Variants in DDX46 observed in about 807,000 individuals in gnomAD.
DDX46 encodes the protein DEAD-box helicase 46.
Under a neutral mutation model 134.9 loss-of-function variants are expected in DDX46, and 30 were observed. The ratio of observed to expected loss-of-function variants is 0.22; its 90% CI spans 0.17 to 0.30. The LOEUF (loss-of-function observed/expected upper bound fraction) is 0.30, where lower values mean the gene tolerates loss of function less well. Among genes scored for constraint, DDX46 ranks in the 10% least tolerant of loss-of-function variants. The pLI is 1.00. For synonymous variants in DDX46, 415 were observed against 404.1 expected (o/e 1.03, Z -0.32); for missense variants, 622 against 1,248.7 (o/e 0.50, Z 7.56).
intron 15 of DDX46, among the ~76,000 whole-genome samples, chr5:134,796,588 C>T (rs1283693770): frequency 6.6e-6 from 1 of 152,216 alleles, no homozygotes; most frequent in Non-Finnish European, 1.5e-5. Context: ...CATGGTAGCT[C>T]ACGCCTGTAA....
chr5:134,800,245 G>T (rs189822812), intron 15 of DDX46, among the ~76,000 whole-genome samples: 1 of 152,210 alleles, frequency 6.6e-6, no homozygotes, highest in East Asian at 1.9e-4. Context: ...CCTGCACCTG[G>T]CCTGAGTTAA....
At chr5:134,790,783 A>T (rs1211313100) in intron 13 of DDX46, among the ~76,000 whole-genome samples, 1 of 152,180 alleles carries the variant, frequency 6.6e-6, no homozygotes. Flanking sequence ...TAAGACCAAC[A>T]CCAACAAAGC....
chr5:134,809,896 C>G (rs758960302), intron 16 of DDX46, among the ~76,000 whole-genome samples: 1 of 151,962 alleles, frequency 6.6e-6, no homozygotes, highest in South Asian at 2.1e-4. Flanking sequence ...GCCTGTAATC[C>G]GAGCTACTCG....
In DDX46 at chr5:134,785,553, C is replaced by G; in HGVS notation, c.1431C>G (p.Val477=). 6.2e-7 allele frequency: 1 copy of G among 1,613,354 alleles called. No individual in the cohort carries two copies. Among genetic ancestry groups the G allele is most frequent in the Non-Finnish European group, 8.5e-7 (1 of 1,179,676 alleles). The change falls in exon 11 of 23, where the codon GTC becomes GTG. Residue 477 remains valine (V), a synonymous_variant. Coordinates refer to ENST00000452510, the MANE Select transcript of DDX46 (RefSeq NM_001300860.2). ...CCAAGACTTTGGGACTTAGAGTGGT[C>G]TGTGTTTACGGAGGAACAGGAATCA... ...KFSKTLGLRV[V]CVYGGTGISE...
chr5:134,815,673 C>T (rs1173741460), intron 18 of DDX46, among the ~76,000 whole-genome samples: 1 of 136,666 alleles, frequency 7.3e-6, no homozygotes, highest in African/African-American at 2.8e-5. Flanking sequence ...CGCCATTGCA[C>T]TCCAGCCTGG....
At chr5:134,790,981 C>T (rs6884217) in intron 13 of DDX46, among the ~76,000 whole-genome samples, 1,332 of 123,270 alleles carry the variant, frequency 0.011, 14 homozygotes, top group African/African-American at 0.049. Context: ...CCCGCCACCA[C>T]GCCCGGTTAA....
intron 11 of DDX46, 39 bp from the exon 12 acceptor site, chr5:134,788,474 C>A: frequency 6.6e-7 from 1 of 1,517,964 alleles, no homozygotes; most frequent in Non-Finnish European, 9.1e-7. Context: ...TTTAAGTAAG[C>A]ATTAGTAATA....
At chr5:134,823,108 A>G (rs1196179142) in intron 21 of DDX46, among the ~76,000 whole-genome samples, 1 of 150,198 alleles carries the variant, frequency 6.7e-6, no homozygotes, top group Non-Finnish European at 1.5e-5. Context: ...GGGCAGGTAT[A>G]CTAGCAACTA....
chr5:134,818,895 G>A lies in DDX46; in HGVS notation c.2868G>A (p.Leu956=). 1 of 1,613,588 alleles carries A rather than the reference G, an allele frequency of 6.2e-7. No homozygotes were observed. Among genetic ancestry groups the A allele is most frequent in the Non-Finnish European group, 8.5e-7 (1 of 1,179,808 alleles). Residue 956 remains leucine (L), a synonymous_variant, in exon 21 of 23, where the codon CTG becomes CTA. Coordinates refer to ENST00000452510, the MANE Select transcript of DDX46 (RefSeq NM_001300860.2). ...ARWKVTSKEA[L]QRISEYSEAA... ...GGAAAGTTACCTCTAAGGAAGCTCT[G>A]CAGAGAATCAGTGAATACTCTGAAG...
intron 4 of DDX46, among the ~76,000 whole-genome samples, chr5:134,772,581 A>C (rs1054421102): frequency 1.3e-5 from 2 of 152,112 alleles, no homozygotes; most frequent in African/African-American, 4.8e-5. Context: ...TCATGCCTGT[A>C]ATCCCAGGAA....
intron 18 of DDX46, among the ~76,000 whole-genome samples, chr5:134,812,284 CA>C (rs1460036947): frequency 6.6e-6 from 1 of 151,912 alleles, no homozygotes; most frequent in Non-Finnish European, 1.5e-5. Flanking sequence ...AGGCTGGTCT[CA>C]GATTCCTGAC....
At chr5:134,828,621 G>C in intron 22 of DDX46, 38 bp from the exon 23 acceptor site, 1 of 1,193,932 alleles carries the variant, frequency 8.4e-7, no homozygotes. Context: ...TTTTTGTTTT[G>C]CTTTCTCTGA....
At chr5:134,769,655 C>T (rs1413109079) in intron 3 of DDX46, among the ~76,000 whole-genome samples, 1 of 151,762 alleles carries the variant, frequency 6.6e-6, no homozygotes, top group East Asian at 1.9e-4. Flanking sequence ...ATTCTCCTGC[C>T]TCGGCCTCCC....
At chr5:134,770,354 G>A (rs1236090113) in intron 3 of DDX46, among the ~76,000 whole-genome samples, 1 of 151,990 alleles carries the variant, frequency 6.6e-6, no homozygotes, top group Admixed American at 6.6e-5. Context: ...AGGACTGCAG[G>A]TGCACACCAC....
chr5:134,808,698 A>C (rs112256325), intron 16 of DDX46, among the ~76,000 whole-genome samples: 2 of 152,244 alleles, frequency 1.3e-5, no homozygotes, highest in African/African-American at 4.8e-5. Flanking sequence ...ATACATACAT[A>C]TGTTACTTGC....
chr5:134,813,797 T>G (rs1227826973), intron 18 of DDX46, among the ~76,000 whole-genome samples: 1 of 144,240 alleles, frequency 6.9e-6, no homozygotes, highest in Non-Finnish European at 1.5e-5. Context: ...TTTTAAAATG[T>G]TTTTTTTTTT....
In DDX46 at chr5:134,781,341, T is replaced by C. The variant is rs532807186; in HGVS notation, c.879+95T>C. On this transcript the variant is annotated intron_variant, in intron 7 of 22. Transcript: ENST00000452510. ...AGATGTGCGTTTCATTTGTGTGAGC[T>C]AGGAGAAATTCCCAGAATTGAGAGA... The C allele has an allele frequency of 3.9e-5, 36 of 931,830 alleles. No homozygotes were observed. In the South Asian group the frequency reaches 4.3e-4, roughly 11 times the overall value. The allele number at this position is 931,830 out of a possible 1,614,324, so 57.7% of individuals were successfully genotyped here. A position where few individuals can be genotyped will look rare whatever the true frequency, so the allele number is the denominator to read the frequency against.
Position 134,766,939 on chromosome 5 carries a change from G to T in DDX46, c.229G>T (p.Asp77Tyr), listed in dbSNP as rs887641421. ...RLRRSRSRER[D>Y]RSRERRRSRS... ...CAGACGTTCCAGAAGTAGAGAGAGAGACAGAAGCCGAGAGCGAAGAAGATC... is the reference window on the plus strand; with the variant it reads ...CAGACGTTCCAGAAGTAGAGAGAGATACAGAAGCCGAGAGCGAAGAAGATC... Residue 77 changes from aspartate to tyrosine, a missense_variant, in exon 3 of 23, where the codon GAC (aspartate) becomes TAC (tyrosine). Asp to Tyr is a radical substitution (Grantham distance 160, BLOSUM62 -3). Transcript: ENST00000452510. 5 of 1,613,708 alleles carry T rather than the reference G, an allele frequency of 3.1e-6. No individual in the cohort carries two copies. Among genetic ancestry groups the T allele is most frequent in the Non-Finnish European group, 3.4e-6 (4 of 1,179,930 alleles).
At chr5:134,789,418 T>C (rs1248312914) in intron 12 of DDX46, among the ~76,000 whole-genome samples, 1 of 152,194 alleles carries the variant, frequency 6.6e-6, no homozygotes, top group African/African-American at 2.4e-5. Flanking sequence ...ATTTAGTGTG[T>C]ACATAATAGA....
Sources: gnomAD v4.1 joint callset for allele counts (sites outside exome capture counted in the v4.1 genomes callset) on GRCh38, gnomAD v4.1.1 for gene constraint, MANE v1.5 for transcripts, NCBI Gene and HGNC (gene_info 2026-07-23, HGNC 2026-07-21) for gene names.